The following SPICE1 variants were observed in gnomAD, a reference collection of about 807,000 sequenced individuals.
The protein encoded by SPICE1 is spindle and centriole associated protein 1.
SPICE1 carries 75 observed loss-of-function variants against 102.7 expected under a neutral mutation model. The observed-to-expected ratio is 0.73, with a 90% CI of 0.61 to 0.88. SPICE1 has a LOEUF of 0.88. Ranked by LOEUF, SPICE1 falls within the 40% of genes least tolerant of loss-of-function variation. SPICE1 has a pLI of 0.00. For missense variants in SPICE1, 979 were observed against 1,020.1 expected, an observed-to-expected ratio of 0.96 and a Z score of 0.55; for synonymous variants, 308 against 350.3, an observed-to-expected ratio of 0.88 and a Z score of 1.35.
intron 12 of SPICE1, among the ~76,000 whole-genome samples, chr3:113,458,446 G>A (rs951566377): frequency 3.4e-4 from 52 of 152,332 alleles, no homozygotes; most frequent in Non-Finnish European, 5.4e-4. Flanking sequence ...GCTCCTGACC[G>A]CGAGTGATCT....
chr3:113,507,315 C>T (rs555918102), intron 1 of SPICE1, among the ~76,000 whole-genome samples: 5 of 152,078 alleles, frequency 3.3e-5, no homozygotes, highest in African/African-American at 9.6e-5. Flanking sequence ...CCATAGTCCC[C>T]GAACACCAGG....
intron 2 of SPICE1, among the ~76,000 whole-genome samples, chr3:113,504,591 A>AAAAGGG (rs2107505862): frequency 6.8e-6 from 1 of 147,118 alleles, no homozygotes; most frequent in African/African-American, 2.5e-5. Context: ...AAAAAAAAAA[A>AAAAGGG]AAAGGGAAAA....
intron 4 of SPICE1, among the ~76,000 whole-genome samples, chr3:113,497,327 A>T (rs1369499588): frequency 6.6e-6 from 1 of 152,230 alleles, no homozygotes; most frequent in Non-Finnish European, 1.5e-5. Flanking sequence ...TTTAAAGCAA[A>T]ACATATAGGA....
At chr3:113,491,416 C>T (rs988193295) in intron 6 of SPICE1, among the ~76,000 whole-genome samples, 23 of 151,248 alleles carry the variant, frequency 1.5e-4, no homozygotes, top group Non-Finnish European at 3.0e-4. Context: ...GTCAGGAGAT[C>T]GAGACCATCC....
intron 12 of SPICE1, among the ~76,000 whole-genome samples, chr3:113,458,940 G>C (rs1330154394): frequency 6.6e-6 from 1 of 151,878 alleles, no homozygotes; most frequent in Non-Finnish European, 1.5e-5. Context: ...CATTGAGAAC[G>C]GGCCATGATG....
chr3:113,482,494 C>T (rs1314398922), intron 7 of SPICE1, among the ~76,000 whole-genome samples: 1 of 152,108 alleles, frequency 6.6e-6, no homozygotes, highest in Non-Finnish European at 1.5e-5. Context: ...ATGCCTATGT[C>T]CTGAATGGTA....
intron 7 of SPICE1, among the ~76,000 whole-genome samples, chr3:113,473,790 T>G (rs1379084982): frequency 5.3e-5 from 8 of 151,578 alleles, no homozygotes; most frequent in African/African-American, 1.7e-4. Flanking sequence ...AAGGAAGCAC[T>G]AAACATGGAA....
At chr3:113,495,517 G>C (rs1003910708) in intron 4 of SPICE1, among the ~76,000 whole-genome samples, 3 of 152,164 alleles carry the variant, frequency 2.0e-5, no homozygotes, top group African/African-American at 7.2e-5. Context: ...ATCAGGTCAA[G>C]AGCACATCAG....
chr3:113,494,023 G>C lies in SPICE1; in HGVS notation c.385+26C>G, dbSNP rs7627224. On this transcript the variant is annotated intron_variant, in intron 5 of 17. Transcript: ENST00000295872. ...ACTGTGGGCTACAGTTAATAAAATA[G>C]AGAAGCTTTTGTTTGAATTGAATAC... 6.6e-3 allele frequency: 9,939 copies of C among 1,504,480 alleles called. 584 individuals carry two copies. In the African/African-American group the frequency reaches 0.12, roughly 18 times the overall value. The allele number at this position is 1,504,480 out of a possible 1,614,324, so 93.2% of individuals were successfully genotyped here. A position where few individuals can be genotyped will look rare whatever the true frequency, so the allele number is the denominator to read the frequency against.
chr3:113,478,243 A>G (rs1419503955), intron 7 of SPICE1, among the ~76,000 whole-genome samples: 1 of 152,158 alleles, frequency 6.6e-6, no homozygotes, highest in Non-Finnish European at 1.5e-5. Flanking sequence ...TACTTCAATT[A>G]AAAGAAGAAT....
At chr3:113,454,761 GACTTTATCAGAGTC>G (rs1935742178) in intron 13 of SPICE1, among the ~76,000 whole-genome samples, 1 of 151,952 alleles carries the variant, frequency 6.6e-6, no homozygotes, top group African/African-American at 2.4e-5. Context: ...GAGCGCAAGT[GACTTTATCAGAGTC>G]ACTTTATCAG....
Position 113,489,037 on chromosome 3 carries a change from T to C in SPICE1, c.519A>G (p.Glu173=), listed in dbSNP as rs747063910. 1.9e-6 allele frequency: 3 copies of C among 1,612,044 alleles called. No individual in the cohort carries two copies. In the South Asian group the frequency reaches 3.3e-5, roughly 18 times the overall value. ...PQALNDVDGE[E]EGTVNSQSGE... is the part of the protein sequence containing the mutation. ...CTGACTGGCTATTAACAGTTCCTTCTTCTTCACCATCTACATCATTAAGAG... is the reference window on the plus strand; with the variant it reads ...CTGACTGGCTATTAACAGTTCCTTCCTCTTCACCATCTACATCATTAAGAG... Residue 173 remains glutamate, a synonymous_variant, in exon 7 of 18, where the codon GAA becomes GAG. Transcript: ENST00000295872.
At chr3:113,499,350 T>G in intron 4 of SPICE1, 89 bp downstream of exon 4, 1 of 1,365,554 alleles carries the variant, frequency 7.3e-7, no homozygotes, top group Non-Finnish European at 9.9e-7. Flanking sequence ...ATTACTAGAG[T>G]CTCTCCAACG....
chr3:113,477,523 C>T (rs1175494988), intron 7 of SPICE1, among the ~76,000 whole-genome samples: 1 of 151,484 alleles, frequency 6.6e-6, no homozygotes, highest in African/African-American at 2.4e-5. Context: ...ATAGCAAAGA[C>T]TTGGAACCAA....
chr3:113,460,689 C>T lies in SPICE1; in HGVS notation c.1363G>A (p.Val455Met), dbSNP rs1252866507. The T allele has an allele frequency of 6.2e-7, 1 of 1,613,762 alleles. No homozygotes were observed. ...SLTHAIKNCP[V>M]INNRQEIQAS... ...TGAATTTCTTGTCTGTTATTTATCACAGGACAGTTCTTAATAGCATGTGTG... is the reference window on the plus strand; with the variant it reads ...TGAATTTCTTGTCTGTTATTTATCATAGGACAGTTCTTAATAGCATGTGTG... Residue 455 changes from valine (V) to methionine (M), a missense_variant, in exon 12 of 18, where the codon GTG (valine) becomes ATG (methionine). Physicochemically the swap from Val to Met is conservative, Grantham distance 21. Transcript: ENST00000295872.
chr3:113,475,942 A>G (rs1273536063), intron 7 of SPICE1, among the ~76,000 whole-genome samples: 1 of 152,142 alleles, frequency 6.6e-6, no homozygotes, highest in African/African-American at 2.4e-5. Context: ...CAGGGCAATT[A>G]GGCAGGAGAA....
intron 7 of SPICE1, among the ~76,000 whole-genome samples, chr3:113,473,633 A>G (rs1936262844): frequency 6.6e-6 from 1 of 152,130 alleles, no homozygotes; most frequent in African/African-American, 2.4e-5. Flanking sequence ...GCCAATATTC[A>G]ACATTCTTAA....
At position 113,457,183 on chromosome 3, in the gene SPICE1, G is replaced by A. The variant is rs756033657; in HGVS notation, c.1610C>T (p.Thr537Ile). 1.2e-6 allele frequency: 2 copies of A among 1,614,200 alleles called. No individual in the cohort carries two copies. The highest frequency in any genetic ancestry group is 1.1e-5 in the South Asian group (1 of 91,082). ...AHIFEPAVLL[T>I]PPRQKSNLKF... ...TAAGTTGCTCTTCTGCCTGGGTGGT[G>A]TTAACAACACAGCTGGCTCAAAAAT... is the stretch of plus-strand genomic sequence containing the variant. The change falls in exon 13 of 18, where the codon ACA (threonine) becomes ATA (isoleucine). Residue 537 changes from threonine to isoleucine, a missense_variant. Transcript: ENST00000295872.
chr3:113,472,821 C>T (rs1936239573), intron 7 of SPICE1, among the ~76,000 whole-genome samples: 1 of 152,106 alleles, frequency 6.6e-6, no homozygotes, highest in African/African-American at 2.4e-5. Flanking sequence ...GTAGCTAAAA[C>T]CACAAAGATG....
Sources: gnomAD v4.1 joint callset for allele counts (sites outside exome capture counted in the v4.1 genomes callset) on GRCh38, gnomAD v4.1.1 for gene constraint, MANE v1.5 for transcripts, NCBI Gene and HGNC (gene_info 2026-07-23, HGNC 2026-07-21) for gene names.